QTMAN: variants seen among roughly 807,000 people sequenced by gnomAD.
QTMAN encodes the protein queuosine-tRNA mannosyltransferase, also known as tRNA-queuosine alpha-mannosyltransferase.
At chr2:143,969,480 A>T in the QTMAN span, among the ~76,000 whole-genome samples, 3 of 152,238 alleles carry the variant, frequency 2.0e-5, no homozygotes, top group South Asian at 6.2e-4. Context: ...TACAATGATG[A>T]ACACAACAGA....
chr2:144,144,618 A>G, the QTMAN span, among the ~76,000 whole-genome samples: 1 of 151,950 alleles, frequency 6.6e-6, no homozygotes, highest in Non-Finnish European at 1.5e-5. Flanking sequence ...TTTGACGTGA[A>G]GCAGTTGCAC....
the QTMAN span, among the ~76,000 whole-genome samples, chr2:144,014,997 A>C: frequency 1.3e-5 from 2 of 152,146 alleles, no homozygotes; most frequent in African/African-American, 4.8e-5. Flanking sequence ...TTTAATTTCA[A>C]AGTGTTTAGA....
chr2:144,141,697 AG>A, the QTMAN span, among the ~76,000 whole-genome samples: 2 of 151,936 alleles, frequency 1.3e-5, no homozygotes, highest in Admixed American at 6.6e-5. Context: ...TGAACTAACT[AG>A]TGATGGGTTA....
chr2:144,223,290 A>G, the QTMAN span, among the ~76,000 whole-genome samples: 22 of 152,298 alleles, frequency 1.4e-4, 1 homozygote, highest in Non-Finnish European at 2.9e-4. Context: ...AAAATATGAA[A>G]TATATAAATA....
chr2:144,153,699 C>A, the QTMAN span, among the ~76,000 whole-genome samples: 1 of 152,026 alleles, frequency 6.6e-6, no homozygotes, highest in Non-Finnish European at 1.5e-5. Context: ...TCAAAGAAAA[C>A]AAAAACAAAA....
chr2:144,217,997 G>C, the QTMAN span, among the ~76,000 whole-genome samples: 2 of 152,114 alleles, frequency 1.3e-5, no homozygotes, highest in African/African-American at 4.8e-5. Flanking sequence ...GGAGACACTT[G>C]ACTAGGTCTG....
the QTMAN span, among the ~76,000 whole-genome samples, chr2:144,293,667 T>G: frequency 6.6e-6 from 1 of 152,242 alleles, no homozygotes; most frequent in Non-Finnish European, 1.5e-5. Flanking sequence ...ATATCATCTC[T>G]CCAGGTATTG....
the QTMAN span, chr2:143,963,789 C>CTTTTTGTTG: frequency 6.6e-6 from 1 of 152,086 alleles, no homozygotes; most frequent in South Asian, 2.1e-4. Flanking sequence ...ATCTTCCTTA[C>CTTTTTGTTG]TTTTCCCATT....
the QTMAN span, among the ~76,000 whole-genome samples, chr2:144,318,936 A>C: frequency 6.6e-6 from 1 of 152,212 alleles, no homozygotes; most frequent in East Asian, 1.9e-4. Flanking sequence ...ACTGGTATAA[A>C]TAGTATACCA....
At chr2:144,275,865 A>G in the QTMAN span, among the ~76,000 whole-genome samples, 3 of 152,178 alleles carry the variant, frequency 2.0e-5, no homozygotes, top group African/African-American at 4.8e-5. Context: ...GAATATATAT[A>G]TATATAATGT....
the QTMAN span, among the ~76,000 whole-genome samples, chr2:144,193,643 C>T: frequency 6.6e-6 from 1 of 151,832 alleles, no homozygotes; most frequent in Non-Finnish European, 1.5e-5. Context: ...ACCACAGCCT[C>T]CCAAGTAACT....
chr2:144,217,970 T>C, the QTMAN span, among the ~76,000 whole-genome samples: 1 of 152,206 alleles, frequency 6.6e-6, no homozygotes, highest in East Asian at 1.9e-4. Context: ...ATATCTCCAC[T>C]GGACATTAAG....
At chr2:144,133,146 T>TATA in the QTMAN span, among the ~76,000 whole-genome samples, 8 of 53,246 alleles carry the variant, frequency 1.5e-4, no homozygotes, top group Admixed American at 3.9e-4. Flanking sequence ...TATATATATA[T>TATA]ATATAATATA....
the QTMAN span, among the ~76,000 whole-genome samples, chr2:144,108,146 T>C: frequency 6.6e-6 from 1 of 152,246 alleles, no homozygotes; most frequent in Middle Eastern, 3.4e-3. Flanking sequence ...ACAGCCAATA[T>C]CATACTGAAT....
At chr2:144,085,732 G>A in the QTMAN span, among the ~76,000 whole-genome samples, 1 of 152,102 alleles carries the variant, frequency 6.6e-6, no homozygotes, top group Admixed American at 6.6e-5. Context: ...TATTCAGTGA[G>A]GCTTTGAATC....
At chr2:144,208,426 T>C in the QTMAN span, among the ~76,000 whole-genome samples, 1 of 152,220 alleles carries the variant, frequency 6.6e-6, no homozygotes, top group African/African-American at 2.4e-5. Flanking sequence ...ACTGACCAGG[T>C]GTCCTTAGAG....
chr2:144,107,751 T>A, the QTMAN span, among the ~76,000 whole-genome samples: 4 of 152,324 alleles, frequency 2.6e-5, no homozygotes, highest in Admixed American at 2.6e-4. Flanking sequence ...CTAACTCATT[T>A]TATGAGGCCA....
chr2:144,174,359 C>G, the QTMAN span, among the ~76,000 whole-genome samples: 14,782 of 152,224 alleles, frequency 0.097, 785 homozygotes, highest in Middle Eastern at 0.18. Flanking sequence ...TAGCCTCCCC[C>G]CTCATTTGGT....
chr2:144,055,370 CCT>C, the QTMAN span, among the ~76,000 whole-genome samples: 9 of 150,992 alleles, frequency 6.0e-5, no homozygotes, highest in Admixed American at 5.3e-4. Context: ...CACACACACC[CCT>C]CTGAGAGTTT....
Sources: gnomAD v4.1 joint callset for allele counts (sites outside exome capture counted in the v4.1 genomes callset) on GRCh38, gnomAD v4.1.1 for gene constraint, MANE v1.5 for transcripts, NCBI Gene and HGNC (gene_info 2026-07-23, HGNC 2026-07-21) for gene names.